Variants in ANGPT2 observed in about 807,000 individuals in gnomAD.
The protein encoded by ANGPT2 is angiopoietin 2.
Under a neutral mutation model 62.9 loss-of-function variants are expected in ANGPT2, and 28 were observed. The ratio of observed to expected loss-of-function variants is 0.44; its 90% confidence interval spans 0.33 to 0.61. The LOEUF (loss-of-function observed/expected upper bound fraction) is 0.61, where lower values mean the gene tolerates loss of function less well. ANGPT2 is among the 20% of genes least tolerant of loss of function. The probability of loss-of-function intolerance (pLI) is 0.03; values close to 1 mark genes in which losing one functional copy is unlikely to be tolerated. For missense variants in ANGPT2, 727 were observed against 594.9 expected (o/e 1.22, Z -2.31); for synonymous variants, 284 against 207.8 (o/e 1.37, Z -3.15).
intron 1 of ANGPT2, among the ~76,000 whole-genome samples, chr8:6,542,105 T>C (rs1388901131): frequency 6.6e-6 from 1 of 151,684 alleles, no homozygotes; most frequent in Non-Finnish European, 1.5e-5. Context: ...TAGGCTACAA[T>C]ATACCAGGAA....
chr8:6,545,208 G>A (rs1822353153), intron 1 of ANGPT2, among the ~76,000 whole-genome samples: 1 of 152,258 alleles, frequency 6.6e-6, no homozygotes, highest in African/African-American at 2.4e-5. Context: ...CTGAGCAGTG[G>A]CACGAGGGAG....
At chr8:6,527,817 A>C in intron 2 of ANGPT2, 141 bp from the exon 3 acceptor site, 1 of 830,702 alleles carries the variant, frequency 1.2e-6, no homozygotes, top group East Asian at 3.0e-5. Context: ...ATTTTGGCAT[A>C]TTTTTCATTT....
chr8:6,535,393 C>T (rs1009903574), intron 1 of ANGPT2, among the ~76,000 whole-genome samples: 1 of 152,110 alleles, frequency 6.6e-6, no homozygotes, highest in East Asian at 1.9e-4. Flanking sequence ...AATTTCTTAA[C>T]CTGCCATATT....
chr8:6,546,900 C>T (rs1822682856), intron 1 of ANGPT2, among the ~76,000 whole-genome samples: 1 of 152,172 alleles, frequency 6.6e-6, no homozygotes, highest in African/African-American at 2.4e-5. Flanking sequence ...ATGTACCCTT[C>T]CGTGTTTTCC....
At chr8:6,552,540 C>T (rs1823836392) in intron 1 of ANGPT2, among the ~76,000 whole-genome samples, 1 of 152,138 alleles carries the variant, frequency 6.6e-6, no homozygotes, top group South Asian at 2.1e-4. Context: ...GAATTATAAC[C>T]TTTAACTAAT....
chr8:6,526,952 T>C (rs191443134), intron 3 of ANGPT2, among the ~76,000 whole-genome samples: 1 of 152,336 alleles, frequency 6.6e-6, no homozygotes, highest in East Asian at 1.9e-4. Flanking sequence ...ATGTTTAATA[T>C]TTTTGGTTTT....
intron 1 of ANGPT2, among the ~76,000 whole-genome samples, chr8:6,547,758 G>A (rs547923630): frequency 4.1e-4 from 62 of 152,266 alleles, no homozygotes; most frequent in East Asian, 1.7e-3. Context: ...TGACTCACTC[G>A]GTGGGAACAA....
intron 5 of ANGPT2, among the ~76,000 whole-genome samples, chr8:6,515,877 A>G (rs1440019995): frequency 1.3e-5 from 2 of 152,224 alleles, no homozygotes; most frequent in East Asian, 1.9e-4. Context: ...GAGGAGAGCG[A>G]AAAGAGAACC....
chr8:6,522,960 A>G lies in ANGPT2; in HGVS notation c.567-1550T>C, dbSNP rs75336824. 1.1e-3 allele frequency among the ~76,000 whole-genome samples: 164 copies of G among 151,988 alleles called. No individual in the cohort carries two copies. In the East Asian group the frequency reaches 0.022, roughly 21 times the overall value. On this transcript the variant is annotated intron_variant, in intron 3 of 8. Coordinates refer to ENST00000629816, the MANE Select transcript of ANGPT2 (RefSeq NM_001118887.2). ...ACCAGCGCTATGGCATGTACTTAAT[A>G]CATAACAGTTAATATGTGAGCCAAG...
chr8:6,508,553 C>A, intron 8 of ANGPT2: 1 of 342,836 alleles, frequency 2.9e-6, no homozygotes, highest in Non-Finnish European at 5.2e-6. Flanking sequence ...TTTCTATAAT[C>A]TATATTACTG....
chr8:6,537,140 T>C (rs1820649152), intron 1 of ANGPT2, among the ~76,000 whole-genome samples: 5 of 152,146 alleles, frequency 3.3e-5, no homozygotes, highest in Admixed American at 3.3e-4. Context: ...GACCCGGCTC[T>C]TTCCAATTTC....
chr8:6,518,911 GT>G (rs748851018), intron 5 of ANGPT2, among the ~76,000 whole-genome samples: 33 of 147,582 alleles, frequency 2.2e-4, no homozygotes, highest in Admixed American at 2.7e-4. Context: ...CTCCGGAAGG[GT>G]TTTTTTTTTT....
chr8:6,510,181 A>G (rs1441938040), intron 7 of ANGPT2, among the ~76,000 whole-genome samples: 2 of 149,724 alleles, frequency 1.3e-5, no homozygotes, highest in Non-Finnish European at 3.0e-5. Flanking sequence ...TATTTTCCAT[A>G]ACTATGCTCA....
intron 2 of ANGPT2, among the ~76,000 whole-genome samples, chr8:6,531,650 C>A (rs1819538553): frequency 6.6e-6 from 1 of 152,198 alleles, no homozygotes; most frequent in Non-Finnish European, 1.5e-5. Flanking sequence ...CATAGAATCT[C>A]ACAGTGGAAA....
At chr8:6,530,033 A>T (rs1415312074) in intron 2 of ANGPT2, among the ~76,000 whole-genome samples, 8 of 152,020 alleles carry the variant, frequency 5.3e-5, no homozygotes, top group Admixed American at 2.0e-4. Context: ...ATTTTTGCCA[A>T]GTTCCCATGC....
intron 1 of ANGPT2, among the ~76,000 whole-genome samples, chr8:6,535,270 ACT>A: frequency 6.6e-6 from 1 of 152,132 alleles, no homozygotes; most frequent in Non-Finnish European, 1.5e-5. Flanking sequence ...TGTGTTTGCA[ACT>A]CTCCAGAGAT....
chr8:6,519,259 G>C (rs1011153367), intron 5 of ANGPT2, among the ~76,000 whole-genome samples: 1 of 152,142 alleles, frequency 6.6e-6, no homozygotes, highest in Non-Finnish European at 1.5e-5. Flanking sequence ...GGTTGAAACT[G>C]TTTTCACGAT....
intron 1 of ANGPT2, among the ~76,000 whole-genome samples, chr8:6,544,378 C>T (rs148993274): frequency 0.016 from 2,375 of 152,340 alleles, 34 homozygotes; most frequent in Non-Finnish European, 0.026. Flanking sequence ...AGACTGTGAA[C>T]TGCACATGGT....
intron 1 of ANGPT2, among the ~76,000 whole-genome samples, chr8:6,534,313 G>A (rs1013932873): frequency 5.3e-5 from 8 of 152,136 alleles, no homozygotes; most frequent in African/African-American, 1.7e-4. Context: ...AAGCAACCTC[G>A]AGATGATTTA....
Sources: allele counts gnomAD v4.1 joint callset (sites outside exome capture counted in the v4.1 genomes callset), GRCh38; gene constraint gnomAD v4.1.1; transcripts MANE v1.5; gene names NCBI Gene and HGNC (gene_info 2026-07-23, HGNC 2026-07-21).